Variants in PIK3C3 observed in about 807,000 individuals in gnomAD.
PIK3C3 encodes phosphatidylinositol 3-kinase catalytic subunit type 3, also known as PI3-kinase type 3.
In PIK3C3, 95 loss-of-function variants were observed where a neutral mutation model predicts 126.1. The observed-to-expected ratio is 0.75, with a 90% CI of 0.64 to 0.89. The LOEUF is 0.89. Among genes scored for constraint, PIK3C3 ranks in the 40% least tolerant of loss-of-function variants. The pLI, the probability that PIK3C3 is intolerant of heterozygous loss-of-function variation, is 0.00. For synonymous variants in PIK3C3, 374 were observed against 360.0 expected (o/e 1.04, Z -0.44); for missense variants, 829 against 1,063.2 (o/e 0.78, Z 3.06).
rs1301868031 is a variant in PIK3C3 at position 42,029,455 on chromosome 18, G to A, written c.1707+14G>A. Reference sequence around the variant, plus strand: ...CGTAAGAAAAAGGTAAGCCTATGGTGTATGCTTTTGTTCCTAATAGCATCT... The same window carrying A: ...CGTAAGAAAAAGGTAAGCCTATGGTATATGCTTTTGTTCCTAATAGCATCT... On this transcript the variant is annotated intron_variant, in intron 15 of 24. Coordinates refer to ENST00000262039, the MANE Select transcript of PIK3C3 (RefSeq NM_002647.4). The A allele has an allele frequency of 2.9e-6, 4 of 1,394,574 alleles. No individual in the cohort carries two copies. The highest frequency in any genetic ancestry group is 3.0e-6 in the Non-Finnish European group (3 of 992,188). The allele number at this position is 1,394,574 out of a possible 1,614,324, so 86.4% of individuals were successfully genotyped here. A position where few individuals can be genotyped will look rare whatever the true frequency, so the allele number is the denominator to read the frequency against.
At chr18:42,022,024 C>T (rs34966612) in intron 13 of PIK3C3, among the ~76,000 whole-genome samples, 35,728 of 151,970 alleles carry the variant, frequency 0.24, 4,547 homozygotes, top group South Asian at 0.4. Context: ...GGGAAGCTGC[C>T]CTTGTGGGTC....
intron 9 of PIK3C3, among the ~76,000 whole-genome samples, chr18:42,000,919 GC>G (rs980659598): frequency 6.6e-6 from 1 of 152,126 alleles, no homozygotes; most frequent in African/African-American, 2.4e-5. Flanking sequence ...TGGGGACACA[GC>G]CACACCATAT....
rs949173569 is a variant in PIK3C3, at chr18:42,086,313, A to G, written c.*5176A>G. ...TACCATATGCCCTGGTCTTACCCAC[A>G]TACAGCTCGGTACAACTGCATTTCC... On this transcript the variant is annotated 3_prime_UTR_variant, in exon 25 of 25. Transcript: ENST00000262039. 2 of 152,238 alleles carry G rather than the reference A, an allele frequency of 1.3e-5. No individual in the cohort carries two copies. The highest frequency in any genetic ancestry group is 4.8e-5 in the African/African-American group (2 of 41,430). The allele number at this position is 152,238 out of a possible 1,614,324, so 9.4% of individuals were successfully genotyped here.
intron 4 of PIK3C3, among the ~76,000 whole-genome samples, chr18:41,983,205 G>A (rs1257755587): frequency 6.6e-6 from 1 of 152,062 alleles, no homozygotes; most frequent in Admixed American, 6.6e-5. Context: ...TGTTCTGTTA[G>A]GGCAGAGAAC....
chr18:42,021,721 C>T (rs962816093), intron 13 of PIK3C3, among the ~76,000 whole-genome samples: 4 of 152,090 alleles, frequency 2.6e-5, no homozygotes, highest in Admixed American at 2.6e-4. Flanking sequence ...GTTGAGCATA[C>T]CAAATCCAAA....
At chr18:41,999,040 T>G (rs1379734488) in intron 9 of PIK3C3, among the ~76,000 whole-genome samples, 1 of 152,136 alleles carries the variant, frequency 6.6e-6, no homozygotes, top group Non-Finnish European at 1.5e-5. Context: ...CTTTTTATTT[T>G]TTAATTAAAT....
chr18:42,072,305 G>C (rs1985807532), intron 24 of PIK3C3, among the ~76,000 whole-genome samples: 2 of 152,054 alleles, frequency 1.3e-5, no homozygotes, highest in African/African-American at 4.8e-5. Flanking sequence ...CAGCATAAAA[G>C]AAACAACATT....
intron 1 of PIK3C3, among the ~76,000 whole-genome samples, chr18:41,956,667 C>G (rs2144282009): frequency 6.9e-6 from 1 of 144,500 alleles, no homozygotes; most frequent in African/African-American, 2.6e-5. Context: ...TTTCAGACAT[C>G]TATCTGGGGT....
At chr18:42,076,750 A>C (rs1986049268) in intron 24 of PIK3C3, among the ~76,000 whole-genome samples, 1 of 152,186 alleles carries the variant, frequency 6.6e-6, no homozygotes, top group Non-Finnish European at 1.5e-5. Context: ...ATACAAATTT[A>C]ATTTTCTTAT....
chr18:42,047,125 A>T (rs373664462), intron 20 of PIK3C3, among the ~76,000 whole-genome samples: 27 of 152,336 alleles, frequency 1.8e-4, no homozygotes, highest in East Asian at 5.8e-4. Context: ...GTGAATCAGT[A>T]TTCTATAGAG....
Position 42,062,238 on chromosome 18 carries a change from CT to C in PIK3C3, c.2433-2486del, listed in dbSNP as rs59113345. Among the ~76,000 whole-genome samples the C allele has an allele frequency of 6.8e-3, 962 of 142,396 alleles. 5 individuals carry two copies. Among genetic ancestry groups the C allele is most frequent in the African/African-American group, 0.014 (526 of 38,770 alleles). The allele number at this position is 142,396 out of a possible 152,430, so 93.4% of individuals were successfully genotyped here. The stretch of plus-strand genomic sequence containing the variant: ...GATGGAGAGTTAGTTGAAAGAGCAT[CT>C]TTTTTTTTTTTTTTTATAATATGTA... On this transcript the variant is annotated intron_variant, in intron 22 of 24. Coordinates refer to ENST00000262039, the MANE Select transcript of PIK3C3 (RefSeq NM_002647.4).
intron 20 of PIK3C3, among the ~76,000 whole-genome samples, chr18:42,044,821 G>GAT (rs750575379): frequency 6.6e-6 from 1 of 152,194 alleles, no homozygotes; most frequent in Non-Finnish European, 1.5e-5. Context: ...CAGGATGTAT[G>GAT]ATGTGTTATA....
chr18:42,078,373 G>A (rs1986110394), intron 24 of PIK3C3, among the ~76,000 whole-genome samples: 3 of 110,334 alleles, frequency 2.7e-5, no homozygotes, highest in African/African-American at 7.6e-5. Flanking sequence ...AACAGAGCGA[G>A]ACTCTGTCTC....
chr18:42,003,356 AT>A (rs1429134546), intron 9 of PIK3C3, among the ~76,000 whole-genome samples: 9 of 152,296 alleles, frequency 5.9e-5, no homozygotes, highest in Admixed American at 2.6e-4. Flanking sequence ...AGAAGAAAAC[AT>A]CTTGGGTTCA....
chr18:42,002,971 G>A (rs926389485), intron 9 of PIK3C3, among the ~76,000 whole-genome samples: 2 of 152,206 alleles, frequency 1.3e-5, no homozygotes, highest in Non-Finnish European at 2.9e-5. Flanking sequence ...CGCCTTAATG[G>A]TAAGGAAGCA....
chr18:42,003,835 G>A (rs991072947), intron 9 of PIK3C3, among the ~76,000 whole-genome samples: 4 of 152,138 alleles, frequency 2.6e-5, no homozygotes, highest in East Asian at 1.9e-4. Context: ...ACAGAGATAC[G>A]TACATACTCC....
intron 7 of PIK3C3, among the ~76,000 whole-genome samples, chr18:41,995,340 AAAAT>A (rs1981975995): frequency 6.6e-6 from 1 of 152,308 alleles, no homozygotes. Flanking sequence ...CATGCAATAA[AAAAT>A]AAATAATATA....
At chr18:41,963,299 C>G (rs1452588560) in intron 3 of PIK3C3, among the ~76,000 whole-genome samples, 1 of 152,210 alleles carries the variant, frequency 6.6e-6, no homozygotes, top group Non-Finnish European at 1.5e-5. Context: ...AACTTTCTTT[C>G]CCTTTACCGA....
chr18:42,044,026 A>G (rs1264822987), intron 20 of PIK3C3, among the ~76,000 whole-genome samples: 1 of 152,204 alleles, frequency 6.6e-6, no homozygotes, highest in Non-Finnish European at 1.5e-5. Flanking sequence ...TCATGGATAT[A>G]TCTTTGTAAT....
Sources: allele counts gnomAD v4.1 joint callset (sites outside exome capture counted in the v4.1 genomes callset), GRCh38; gene constraint gnomAD v4.1.1; transcripts MANE v1.5; gene names NCBI Gene and HGNC (gene_info 2026-07-23, HGNC 2026-07-21).